Variants in RHOH observed in about 807,000 individuals in gnomAD.
RHOH encodes ras homolog family member H, also known as rho-related GTP-binding protein RhoH.
RHOH carries 6 observed loss-of-function variants against 13.8 expected under a neutral mutation model. That is an observed-to-expected ratio of 0.44 (90% CI 0.24 to 0.86). The LOEUF is 0.86. Among genes scored for constraint, RHOH ranks in the 40% least tolerant of loss-of-function variants. The probability of loss-of-function intolerance (pLI) is 0.24; values close to 1 mark genes in which losing one functional copy is unlikely to be tolerated. For missense variants in RHOH, 147 were observed against 244.5 expected (o/e 0.60, Z 2.66); for synonymous variants, 117 against 103.0 (o/e 1.14, Z -0.82).
intron 1 of RHOH, among the ~76,000 whole-genome samples, chr4:40,229,254 T>C (rs977775685): frequency 6.6e-6 from 1 of 152,246 alleles, no homozygotes; most frequent in African/African-American, 2.4e-5. Flanking sequence ...CTTCAAATAC[T>C]TGAAAAAGTC....
chr4:40,240,226 CCAA>C (rs2109570033), intron 1 of RHOH: 1 of 152,306 alleles, frequency 6.6e-6, no homozygotes, highest in East Asian at 1.9e-4. Flanking sequence ...GCCTGTAATT[CCAA>C]CACTTTGGGA....
intron 1 of RHOH, among the ~76,000 whole-genome samples, chr4:40,220,301 T>C (rs552109442): frequency 4.1e-4 from 62 of 150,586 alleles, no homozygotes; most frequent in African/African-American, 1.5e-3. Flanking sequence ...CCCTGGAAGA[T>C]TTTAACACTC....
intron 1 of RHOH, among the ~76,000 whole-genome samples, chr4:40,241,453 T>C (rs1400001840): frequency 6.6e-6 from 1 of 152,086 alleles, no homozygotes; most frequent in African/African-American, 2.4e-5. Flanking sequence ...TTCAGAGAGG[T>C]TAAGTAATTT....
intron 1 of RHOH, chr4:40,209,602 T>A (rs1725024708): frequency 6.6e-6 from 1 of 152,178 alleles, no homozygotes; most frequent in African/African-American, 2.4e-5. Flanking sequence ...TGCACCACCA[T>A]GCCGGCTAAG....
upstream of RHOH, among the ~76,000 whole-genome samples, chr4:40,196,116 C>T (rs1174610249): frequency 2.6e-5 from 4 of 152,106 alleles, no homozygotes; most frequent in Non-Finnish European, 4.4e-5. Flanking sequence ...TATTGATGTC[C>T]GGTCCCAACC....
At chr4:40,225,953 G>C (rs1215291622) in intron 1 of RHOH, among the ~76,000 whole-genome samples, 2 of 152,132 alleles carry the variant, frequency 1.3e-5, no homozygotes, top group East Asian at 3.9e-4. Context: ...TCCCCCAGCT[G>C]TAAAAATGAG....
chr4:40,241,858 C>G (rs1247937820), intron 1 of RHOH, among the ~76,000 whole-genome samples: 1 of 152,116 alleles, frequency 6.6e-6, no homozygotes, highest in Non-Finnish European at 1.5e-5. Context: ...CCACTGCACT[C>G]CAGTCTGGGC....
At chr4:40,204,132 T>C (rs918890804) in intron 1 of RHOH, among the ~76,000 whole-genome samples, 2 of 152,200 alleles carry the variant, frequency 1.3e-5, no homozygotes, top group Admixed American at 6.5e-5. Context: ...TGTTCTGAGA[T>C]TATCTGCTTC....
At position 40,244,066 on chromosome 4, in the gene RHOH, C is replaced by G; in HGVS notation, c.*104C>G. 1.1e-6 allele frequency: 1 copy of G among 898,452 alleles called. No homozygotes were observed. The highest frequency in any genetic ancestry group is 1.7e-6 in the Non-Finnish European group (1 of 594,370). The allele number at this position is 898,452 out of a possible 1,614,324, so 55.7% of individuals were successfully genotyped here. On this transcript the variant is annotated 3_prime_UTR_variant, in exon 3 of 3. Transcript: ENST00000381799. ...AGCTTGGTGTTTTCTCTGGGTACAC[C>G]CCAAGCAGCGTCTCCTTTTGGATAC...
At chr4:40,203,996 T>G (rs1724341111) in intron 1 of RHOH, among the ~76,000 whole-genome samples, 1 of 152,216 alleles carries the variant, frequency 6.6e-6, no homozygotes, top group Non-Finnish European at 1.5e-5. Context: ...GTATATTTTT[T>G]GATGAAATGT....
chr4:40,238,522 C>T (rs572929031), intron 1 of RHOH, among the ~76,000 whole-genome samples: 2 of 152,338 alleles, frequency 1.3e-5, no homozygotes, highest in African/African-American at 4.8e-5. Flanking sequence ...GGCAGAAGGG[C>T]CCAACTCTGT....
rs1434343798 is a variant in RHOH at position 40,243,474 on chromosome 4, C to T, written c.88C>T (p.Pro30Ser). 6.2e-7 allele frequency: 1 copy of T among 1,613,946 alleles called. No homozygotes were observed. The highest frequency in any genetic ancestry group is 8.5e-7 in the Non-Finnish European group (1 of 1,179,956). The change falls in exon 3 of 3, where the codon CCG becomes TCG. Residue 30 changes from proline to serine, a missense_variant. Transcript: ENST00000381799. The surrounding 1 kb of genome is among the most constrained non-coding windows in gnomAD (Gnocchi z 6.2). ...LLVRFTSETF[P>S]EAYKPTVYEN... ...GGTGCGCTTCACCTCCGAGACCTTC[C>T]CGGAGGCCTACAAGCCCACAGTGTA...
At chr4:40,206,440 A>C (rs1190036663) in intron 1 of RHOH, among the ~76,000 whole-genome samples, 1 of 152,246 alleles carries the variant, frequency 6.6e-6, no homozygotes, top group African/African-American at 2.4e-5. Context: ...CTAACAAGGA[A>C]AAGGAAACTC....
chr4:40,195,354 T>TTTCTTTCCTTCCTTCC, upstream of RHOH, among the ~76,000 whole-genome samples: 2 of 92,046 alleles, frequency 2.2e-5, no homozygotes, highest in Admixed American at 2.2e-4. Flanking sequence ...CTTTCTTTCT[T>TTTCTTTCCTTCCTTCC]TTCCTTCCTT....
chr4:40,198,146 CAGGCTTGAAG>C (rs2109345060), intron 1 of RHOH, among the ~76,000 whole-genome samples: 1 of 152,306 alleles, frequency 6.6e-6, no homozygotes, highest in Admixed American at 6.5e-5. Context: ...TGGGGCAGCA[CAGGCTTGAAG>C]AGTTCTGTGA....
At position 40,218,167 on chromosome 4, in the gene RHOH, C is replaced by T. The variant is rs568138225; in HGVS notation, c.-331+20867C>T. 6.6e-5 allele frequency: 10 copies of T among 152,154 alleles called. No individual in the cohort carries two copies. Among genetic ancestry groups the T allele is most frequent in the African/African-American group, 9.7e-5 (4 of 41,426 alleles). The allele number at this position is 152,154 out of a possible 1,614,324, so 9.4% of individuals were successfully genotyped here. ...CAAAGCACGAGGATGCTTTGGAGAA[C>T]GGAAGGATTTCATCGAGTCCAAAGG... On this transcript the variant is annotated intron_variant, in intron 1 of 2. Transcript: ENST00000381799. The surrounding 1 kb of genome is among the most constrained non-coding windows in gnomAD (Gnocchi z 4.1).
Position 40,245,467 on chromosome 4 carries a change from A to T in RHOH, c.*1505A>T, listed in dbSNP as rs1053193383. On this transcript the variant is annotated 3_prime_UTR_variant, in exon 3 of 3. Coordinates refer to ENST00000381799, the MANE Select transcript of RHOH (RefSeq NM_004310.5). ...GGCAAAAGAATTGCTCGAACCTGGG[A>T]GGCGGAGGTTGCAGTAAGCCAAGAT... is the stretch of plus-strand genomic sequence containing the variant. 1.3e-5 allele frequency: 2 copies of T among 150,286 alleles called. No individual in the cohort carries two copies. Among genetic ancestry groups the T allele is most frequent in the African/African-American group, 4.9e-5 (2 of 40,638 alleles). The allele number at this position is 150,286 out of a possible 1,614,324, so 9.3% of individuals were successfully genotyped here. A position where few individuals can be genotyped will look rare whatever the true frequency, so the allele number is the denominator to read the frequency against.
At position 40,243,286 on chromosome 4, in the gene RHOH, G is replaced by A. The variant is rs968041929; in HGVS notation, c.-101G>A. ...AGGTCCTGAGGACACAGACCTACCT[G>A]GCTTGCATTCCCCTTGCTGAATGGC... is the stretch of plus-strand genomic sequence containing the variant. On this transcript the variant is annotated 5_prime_UTR_variant, in exon 3 of 3. Coordinates refer to ENST00000381799, the MANE Select transcript of RHOH (RefSeq NM_004310.5). This position sits in a 1 kb window ranked among gnomAD's most constrained non-coding sequence, Gnocchi z 6.2. 6.0e-6 allele frequency: 6 copies of A among 1,004,326 alleles called. No individual in the cohort carries two copies. The highest frequency in any genetic ancestry group is 2.6e-5 in the Admixed American group (1 of 38,784). The allele number at this position is 1,004,326 out of a possible 1,614,324, so 62.2% of individuals were successfully genotyped here. A position where few individuals can be genotyped will look rare whatever the true frequency, so the allele number is the denominator to read the frequency against.
At chr4:40,213,340 T>G (rs1193143893) in intron 1 of RHOH, among the ~76,000 whole-genome samples, 1 of 146,276 alleles carries the variant, frequency 6.8e-6, no homozygotes, top group Non-Finnish European at 1.5e-5. Flanking sequence ...CTGACTTCTC[T>G]CTCTCTCTCT....
Sources: allele counts gnomAD v4.1 joint callset (sites outside exome capture counted in the v4.1 genomes callset), GRCh38; gene constraint gnomAD v4.1.1; non-coding constraint Gnocchi (gnomAD v3.1); transcripts MANE v1.5; gene names NCBI Gene and HGNC (gene_info 2026-07-23, HGNC 2026-07-21).